SCN2A: variants seen among roughly 807,000 people sequenced by gnomAD.
SCN2A encodes sodium channel protein type 2 subunit alpha.
Under a neutral mutation model 188.7 loss-of-function variants are expected in SCN2A, and 20 were observed. The ratio of observed to expected loss-of-function variants is 0.11; its 90% confidence interval spans 0.07 to 0.15. The LOEUF (loss-of-function observed/expected upper bound fraction) is 0.15, where lower values mean the gene tolerates loss of function less well. Among genes scored for constraint, SCN2A ranks in the 10% least tolerant of loss-of-function variants. The pLI is 1.00. For missense variants in SCN2A, 1,278 were observed against 2,445.0 expected (o/e 0.52, Z 10.07); for synonymous variants, 804 against 833.1 (o/e 0.97, Z 0.60).
At chr2:165,309,674 G>T (rs1574557504) in intron 6 of SCN2A, among the ~76,000 whole-genome samples, 3 of 152,116 alleles carry the variant, frequency 2.0e-5, no homozygotes, top group South Asian at 4.1e-4. Flanking sequence ...TGAGGCATTT[G>T]CAGTAACAGG....
chr2:165,328,409 T>C, intron 13 of SCN2A: 1 of 868,466 alleles, frequency 1.2e-6, no homozygotes, highest in Non-Finnish European at 1.4e-6. Context: ...TCCAGGTAAA[T>C]CTTTTGAAGA....
chr2:165,345,453 C>A lies in SCN2A; in HGVS notation c.2919+542C>A, dbSNP rs1699526218. 2.0e-5 allele frequency among the ~76,000 whole-genome samples: 3 copies of A among 151,992 alleles called. No individual in the cohort carries two copies. In the South Asian group the frequency reaches 6.2e-4, roughly 32 times the overall value. ...TTAGCTCTTCTTGTTGCATTGATCC[C>A]TTTTACCATTATGTAGTGTCTTTCT... On this transcript the variant is annotated intron_variant, in intron 16 of 26. Coordinates refer to ENST00000375437, the MANE Select transcript of SCN2A (RefSeq NM_001040142.2).
intron 1 of SCN2A, among the ~76,000 whole-genome samples, chr2:165,290,202 G>A (rs1302217115): frequency 2.0e-5 from 3 of 152,006 alleles, no homozygotes; most frequent in Non-Finnish European, 4.4e-5. Flanking sequence ...CAAACATTTA[G>A]CATTTCTTTG....
chr2:165,259,346 G>C (rs917524417), intron 1 of SCN2A, among the ~76,000 whole-genome samples: 3 of 152,118 alleles, frequency 2.0e-5, no homozygotes, highest in Admixed American at 2.0e-4. Context: ...AGACTACAAT[G>C]AAGTTTGTTG....
In SCN2A at chr2:165,264,353, A is replaced by G. The variant is rs77400026; in HGVS notation, c.-52+24713A>G. ...CATAAACAGAATTTTAAAAAATCAC[A>G]TGATCATCTAAATAGATCCAGAAGA... is the stretch of plus-strand genomic sequence containing the variant. On this transcript the variant is annotated intron_variant, in intron 1 of 26. Coordinates refer to ENST00000375437, the MANE Select transcript of SCN2A (RefSeq NM_001040142.2). Among the ~76,000 whole-genome samples, 1,348 of 152,298 alleles carry G rather than the reference A, an allele frequency of 8.9e-3. 21 individuals carry two copies. The highest frequency in any genetic ancestry group is 0.062 in the East Asian group (321 of 5,176).
intron 16 of SCN2A, among the ~76,000 whole-genome samples, chr2:165,349,839 C>T (rs185601529): frequency 6.2e-4 from 94 of 152,240 alleles, no homozygotes; most frequent in African/African-American, 2.1e-3. Context: ...ACTGAATGAA[C>T]TTGATATACT....
chr2:165,263,263 A>G, intron 1 of SCN2A, among the ~76,000 whole-genome samples: 1 of 151,960 alleles, frequency 6.6e-6, no homozygotes, highest in South Asian at 2.1e-4. Context: ...TCATCTATTT[A>G]TTGTTGTTTT....
At chr2:165,344,471 AAAAT>A in intron 15 of SCN2A, 80 bp from the exon 16 acceptor site, 1 of 857,860 alleles carries the variant, frequency 1.2e-6, no homozygotes, top group Admixed American at 4.1e-5. Flanking sequence ...ATAAAAATAA[AAAAT>A]AAAAAAATAA....
At chr2:165,263,011 T>G (rs921160210) in intron 1 of SCN2A, among the ~76,000 whole-genome samples, 5 of 152,210 alleles carry the variant, frequency 3.3e-5, no homozygotes, top group Non-Finnish European at 5.9e-5. Context: ...GAGCATTTTT[T>G]CATATGTTTG....
chr2:165,241,304 CTG>C (rs553346460), intron 1 of SCN2A, among the ~76,000 whole-genome samples: 128 of 152,262 alleles, frequency 8.4e-4, no homozygotes, highest in Non-Finnish European at 1.0e-3. Flanking sequence ...TATGGAAACT[CTG>C]TTTCTTAGTA....
chr2:165,350,285 A>T (rs560439965), intron 16 of SCN2A, among the ~76,000 whole-genome samples: 8 of 152,200 alleles, frequency 5.3e-5, no homozygotes, highest in African/African-American at 1.9e-4. Flanking sequence ...TGGAGAAACA[A>T]TTAAAATATG....
At chr2:165,335,738 A>C (rs1021002542) in intron 14 of SCN2A, among the ~76,000 whole-genome samples, 1 of 151,860 alleles carries the variant, frequency 6.6e-6, no homozygotes, top group African/African-American at 2.4e-5. Flanking sequence ...CAATAAGAAA[A>C]AAAAGGTTCA....
chr2:165,252,658 G>T (rs993938600), intron 1 of SCN2A, among the ~76,000 whole-genome samples: 2 of 152,044 alleles, frequency 1.3e-5, no homozygotes, highest in South Asian at 4.1e-4. Flanking sequence ...AGTAAGGAGA[G>T]ATTTTATCTT....
chr2:165,293,977 A>G, intron 1 of SCN2A: 1 of 882,156 alleles, frequency 1.1e-6, no homozygotes. Context: ...GAATCCTTTT[A>G]CAGGAAGTTA....
At chr2:165,259,770 C>G (rs1694490421) in intron 1 of SCN2A, among the ~76,000 whole-genome samples, 1 of 152,064 alleles carries the variant, frequency 6.6e-6, no homozygotes. Context: ...TCAACTTCTT[C>G]CAAATTCCTG....
chr2:165,389,431 T>G lies in SCN2A; in HGVS notation c.5625T>G (p.Leu1875=), dbSNP rs374716270. The G allele has an allele frequency of 2.5e-6, 4 of 1,613,814 alleles. No homozygotes were observed. The African/African-American group carries it at 5.3e-5, about 22-fold the overall frequency. ...VLGESGEMDA[L]RIQMEERFMA... is the part of the protein sequence containing the mutation. ...GTGAGAGTGGAGAGATGGATGCCCT[T>G]CGAATACAGATGGAAGAGCGATTCA... The change falls in exon 27 of 27, where the codon CTT becomes CTG. Residue 1875 remains leucine (L), a synonymous_variant. Transcript: ENST00000375437. This position sits in a 1 kb window ranked among gnomAD's most constrained non-coding sequence, Gnocchi z 4.2.
At position 165,265,487 on chromosome 2, in the gene SCN2A, A is replaced by C. The variant is rs1338904873; in HGVS notation, c.-52+25847A>C. Among the ~76,000 whole-genome samples, 244 of 110,962 alleles carry C rather than the reference A, an allele frequency of 2.2e-3. 9 individuals carry two copies. In the East Asian group the frequency reaches 0.047, roughly 21 times the overall value. The allele number at this position is 110,962 out of a possible 152,430, so 72.8% of individuals were successfully genotyped here. ...TCTGTTGATCTATATATATATATATATATATATATATATATATATATATAT... is the reference window on the plus strand; with the variant it reads ...TCTGTTGATCTATATATATATATATCTATATATATATATATATATATATAT... On this transcript the variant is annotated intron_variant, in intron 1 of 26. Transcript: ENST00000375437.
At chr2:165,260,583 C>A (rs1694544485) in intron 1 of SCN2A, among the ~76,000 whole-genome samples, 1 of 152,064 alleles carries the variant, frequency 6.6e-6, no homozygotes, top group Non-Finnish European at 1.5e-5. Context: ...AACTGAAAGT[C>A]ACCAGCTGCA....
chr2:165,326,743 T>C (rs1165396682), intron 12 of SCN2A, 109 bp from the exon 13 acceptor site: 6 of 1,215,752 alleles, frequency 4.9e-6, no homozygotes, highest in Non-Finnish European at 6.1e-6. Context: ...GCTTTTTACA[T>C]CTGAGAAAGC....
Sources: allele counts gnomAD v4.1 joint callset (sites outside exome capture counted in the v4.1 genomes callset), GRCh38; gene constraint gnomAD v4.1.1; non-coding constraint Gnocchi (gnomAD v3.1); transcripts MANE v1.5; gene names NCBI Gene and HGNC (gene_info 2026-07-23, HGNC 2026-07-21).